Variants in MARCHF11 observed in about 807,000 individuals in gnomAD.
MARCHF11 encodes E3 ubiquitin-protein ligase MARCHF11.
MARCHF11 carries 29 observed loss-of-function variants against 37.3 expected under a neutral mutation model. The observed-to-expected ratio is 0.78, with a 90% CI of 0.58 to 1.06. The LOEUF is 1.06. MARCHF11 is among the 50% of genes least tolerant of loss of function. The pLI, the probability that MARCHF11 is intolerant of heterozygous loss-of-function variation, is 0.00. For synonymous variants in MARCHF11, 233 were observed against 228.0 expected (o/e 1.02, Z -0.20); for missense variants, 482 against 533.4 (o/e 0.90, Z 0.95).
chr5:16,157,603 A>G (rs1165556992), intron 2 of MARCHF11, among the ~76,000 whole-genome samples: 1 of 151,964 alleles, frequency 6.6e-6, no homozygotes, highest in Non-Finnish European at 1.5e-5. Flanking sequence ...GGTCTCTTCA[A>G]TAAATGGTTT....
chr5:16,123,960 G>T (rs1407242248), intron 2 of MARCHF11, among the ~76,000 whole-genome samples: 1 of 152,046 alleles, frequency 6.6e-6, no homozygotes, highest in Non-Finnish European at 1.5e-5. Flanking sequence ...AGGACTGTGT[G>T]GGGGAAGTCC....
At chr5:16,100,899 G>C (rs995059840) in intron 2 of MARCHF11, among the ~76,000 whole-genome samples, 4 of 152,150 alleles carry the variant, frequency 2.6e-5, no homozygotes, top group Non-Finnish European at 4.4e-5. Context: ...GAGTAATTTA[G>C]CAACTACAGG....
chr5:16,136,486 A>G (rs1238970880), intron 2 of MARCHF11, among the ~76,000 whole-genome samples: 1 of 152,224 alleles, frequency 6.6e-6, no homozygotes, highest in African/African-American at 2.4e-5. Flanking sequence ...GAAAGTCAGG[A>G]GACAAATGAG....
intron 2 of MARCHF11, among the ~76,000 whole-genome samples, chr5:16,115,922 C>T (rs572829377): frequency 7.2e-5 from 11 of 152,152 alleles, no homozygotes; most frequent in African/African-American, 2.2e-4. Context: ...CCACCATGCC[C>T]GGGTGCTTGT....
chr5:16,169,098 T>C (rs1210371683), intron 2 of MARCHF11, among the ~76,000 whole-genome samples: 2 of 152,202 alleles, frequency 1.3e-5, no homozygotes, highest in South Asian at 2.1e-4. Flanking sequence ...GGCAAGCCCG[T>C]GTAAGTGTTC....
intron 2 of MARCHF11, chr5:16,141,561 T>C (rs1338140182): frequency 6.6e-6 from 1 of 152,302 alleles, no homozygotes; most frequent in African/African-American, 2.4e-5. Context: ...AGAATGGATG[T>C]CCTTGGAAGA....
rs763594334 is a variant in MARCHF11 at position 16,067,468 on chromosome 5, T to C, written c.*3A>G. On this transcript the variant is annotated 3_prime_UTR_variant, in exon 4 of 4. Coordinates refer to ENST00000332432, the MANE Select transcript of MARCHF11 (RefSeq NM_001102562.3). Reference sequence around the variant, plus strand: ...GTCCACACTGCATCATCTTATGCTTTTGTCACACTGAAGTCACTCTCATCA... The same window carrying C: ...GTCCACACTGCATCATCTTATGCTTCTGTCACACTGAAGTCACTCTCATCA... 2.0e-5 allele frequency: 33 copies of C among 1,611,584 alleles called. No homozygotes were observed. In the East Asian group the frequency reaches 7.4e-4, roughly 36 times the overall value.
intron 3 of MARCHF11, among the ~76,000 whole-genome samples, chr5:16,079,107 T>C (rs1426252681): frequency 6.6e-6 from 1 of 152,144 alleles, no homozygotes; most frequent in Non-Finnish European, 1.5e-5. Flanking sequence ...CCTAGACCCA[T>C]GTGATTCAGG....
intron 2 of MARCHF11, among the ~76,000 whole-genome samples, chr5:16,116,713 T>A (rs1737231778): frequency 6.6e-6 from 1 of 151,966 alleles, no homozygotes; most frequent in East Asian, 1.9e-4. Flanking sequence ...CTGGAAAGAA[T>A]GCAAAGATCT....
chr5:16,174,503 T>C (rs1264395151), intron 2 of MARCHF11, among the ~76,000 whole-genome samples: 2 of 152,220 alleles, frequency 1.3e-5, no homozygotes, highest in East Asian at 1.9e-4. Flanking sequence ...CAAGTGAAAC[T>C]AAGGTGTTAG....
At chr5:16,148,080 T>C (rs1737827677) in intron 2 of MARCHF11, among the ~76,000 whole-genome samples, 1 of 152,154 alleles carries the variant, frequency 6.6e-6, no homozygotes, top group Non-Finnish European at 1.5e-5. Flanking sequence ...CTCATTTTTA[T>C]ATTATGCACT....
chr5:16,160,822 GA>G (rs891234694), intron 2 of MARCHF11, among the ~76,000 whole-genome samples: 5 of 150,240 alleles, frequency 3.3e-5, no homozygotes, highest in South Asian at 2.1e-4. Flanking sequence ...CCAAAAAGGT[GA>G]AAAAAAAATA....
intron 2 of MARCHF11, 83 bp from the exon 3 acceptor site, chr5:16,091,164 T>G: frequency 8.8e-7 from 1 of 1,135,616 alleles, no homozygotes; most frequent in Non-Finnish European, 1.2e-6. Context: ...CTGTGTTTCT[T>G]TTCATAATGT....
At chr5:16,086,560 C>T (rs1445768188) in intron 3 of MARCHF11, among the ~76,000 whole-genome samples, 1 of 152,100 alleles carries the variant, frequency 6.6e-6, no homozygotes, top group Non-Finnish European at 1.5e-5. Flanking sequence ...CATTAACTTG[C>T]GGTGTTGATT....
intron 2 of MARCHF11, among the ~76,000 whole-genome samples, chr5:16,118,489 G>A (rs774568312): frequency 7.2e-5 from 11 of 152,168 alleles, no homozygotes; most frequent in South Asian, 2.1e-4. Context: ...CGAGGAGATC[G>A]GAGAACAAGA....
At position 16,093,994 on chromosome 5, in the gene MARCHF11, G is replaced by A. The variant is rs544439313; in HGVS notation, c.694-2913C>T. ...CAAATGTGTTTACAAGTAAACAGAC[G>A]TTCCTCATATACTGATGAACCTTAA... On this transcript the variant is annotated intron_variant, in intron 2 of 3. Transcript: ENST00000332432. 5.3e-5 allele frequency among the ~76,000 whole-genome samples: 8 copies of A among 152,144 alleles called. No individual in the cohort carries two copies. In the South Asian group the frequency reaches 1.2e-3, roughly 24 times the overall value.
intron 3 of MARCHF11, among the ~76,000 whole-genome samples, chr5:16,081,492 T>C (rs1736606897): frequency 6.6e-6 from 1 of 152,250 alleles, no homozygotes; most frequent in Non-Finnish European, 1.5e-5. Flanking sequence ...AAGCCATTCT[T>C]AGATCCCGGG....
intron 2 of MARCHF11, among the ~76,000 whole-genome samples, chr5:16,121,799 G>GAGT (rs1737313076): frequency 6.6e-6 from 1 of 152,130 alleles, no homozygotes; most frequent in Non-Finnish European, 1.5e-5. Flanking sequence ...TACCTCTCCT[G>GAGT]AAGCAGGCAG....
chr5:16,172,402 A>G (rs1017123555), intron 2 of MARCHF11, among the ~76,000 whole-genome samples: 6 of 152,120 alleles, frequency 3.9e-5, no homozygotes, highest in African/African-American at 9.7e-5. Flanking sequence ...ATATCTCAGC[A>G]TTGTTTTTTA....
Sources: gnomAD v4.1 joint callset for allele counts (sites outside exome capture counted in the v4.1 genomes callset) on GRCh38, gnomAD v4.1.1 for gene constraint, MANE v1.5 for transcripts, NCBI Gene and HGNC (gene_info 2026-07-23, HGNC 2026-07-21) for gene names.